The following CLASP2 variants were observed in gnomAD, a reference collection of about 807,000 sequenced individuals.
CLASP2 encodes cytoplasmic linker associated protein 2, also known as CLIP-associating protein 2.
In CLASP2, 47 loss-of-function variants were observed where a neutral mutation model predicts 194.4. The ratio of observed to expected loss-of-function variants is 0.24; its 90% confidence interval spans 0.19 to 0.31. The LOEUF (loss-of-function observed/expected upper bound fraction) is 0.31. Among genes scored for constraint, CLASP2 ranks in the 10% least tolerant of loss-of-function variants. CLASP2 has a pLI of 1.00. For synonymous variants in CLASP2, 619 were observed against 633.5 expected (o/e 0.98, Z 0.34); for missense variants, 1,445 against 1,823.6 (o/e 0.79, Z 3.78).
chr3:33,523,255 A>G (rs2053634420), intron 34 of CLASP2, among the ~76,000 whole-genome samples: 1 of 152,196 alleles, frequency 6.6e-6, no homozygotes, highest in African/African-American at 2.4e-5. Flanking sequence ...ACTATTTGAA[A>G]AAATTATGGC....
intron 7 of CLASP2, among the ~76,000 whole-genome samples, chr3:33,654,180 A>C (rs1231558742): frequency 6.6e-6 from 1 of 152,224 alleles, no homozygotes; most frequent in Non-Finnish European, 1.5e-5. Flanking sequence ...TCTAAGCCAG[A>C]AAGTACAGGG....
At chr3:33,626,709 T>G (rs1344395501) in intron 10 of CLASP2, among the ~76,000 whole-genome samples, 1 of 152,106 alleles carries the variant, frequency 6.6e-6, no homozygotes, top group Non-Finnish European at 1.5e-5. Context: ...GCTAAAGCCC[T>G]CTGAATCTCA....
intron 30 of CLASP2, among the ~76,000 whole-genome samples, chr3:33,545,369 G>A (rs1486472555): frequency 6.6e-6 from 1 of 152,136 alleles, no homozygotes; most frequent in Non-Finnish European, 1.5e-5. Context: ...AAATTATATA[G>A]AGACTTAATT....
intron 7 of CLASP2, among the ~76,000 whole-genome samples, chr3:33,658,639 T>C (rs1234879939): frequency 1.3e-5 from 2 of 152,172 alleles, no homozygotes; most frequent in African/African-American, 4.8e-5. Context: ...CTGTCATTCC[T>C]CCAAAGGCAA....
At chr3:33,553,047 T>C (rs957444419) in intron 29 of CLASP2, among the ~76,000 whole-genome samples, 10 of 152,208 alleles carry the variant, frequency 6.6e-5, no homozygotes, top group African/African-American at 2.4e-4. Context: ...AAATGTATGA[T>C]TGAAACTTGA....
chr3:33,515,296 T>C (rs2050990592), intron 36 of CLASP2, among the ~76,000 whole-genome samples: 2 of 152,176 alleles, frequency 1.3e-5, no homozygotes, highest in South Asian at 4.1e-4. Flanking sequence ...TCGATGTCAC[T>C]GGTGAAGAAG....
At chr3:33,550,112 G>C (rs1308037663) in intron 30 of CLASP2, among the ~76,000 whole-genome samples, 1 of 151,852 alleles carries the variant, frequency 6.6e-6, no homozygotes, top group Non-Finnish European at 1.5e-5. Flanking sequence ...AATATAAGAT[G>C]CAAGAAACAG....
rs202138270 is a variant in CLASP2, at chr3:33,676,400, A to G, written c.644+7959T>C. 4.5e-4 allele frequency among the ~76,000 whole-genome samples: 67 copies of G among 150,184 alleles called. 10 individuals are homozygous for G. In the East Asian group the frequency reaches 0.01, roughly 23 times the overall value. Reference sequence around the variant, plus strand: ...GCAGACGCCTCAGAAATAACGCCGCATATCTACAACTATCTGATCTTTGAC... The same window carrying G: ...GCAGACGCCTCAGAAATAACGCCGCGTATCTACAACTATCTGATCTTTGAC... On this transcript the variant is annotated intron_variant, in intron 6 of 38. Transcript: ENST00000682230.
intron 1 of CLASP2, among the ~76,000 whole-genome samples, chr3:33,715,894 C>T (rs186994456): frequency 8.2e-6 from 1 of 122,352 alleles, no homozygotes; most frequent in Admixed American, 8.4e-5. Flanking sequence ...AGTTGGGTAA[C>T]TTAGCTTATA....
At chr3:33,500,662 A>G (rs942473189) in intron 38 of CLASP2, among the ~76,000 whole-genome samples, 1 of 152,222 alleles carries the variant, frequency 6.6e-6, no homozygotes, top group Non-Finnish European at 1.5e-5. Flanking sequence ...AACCCGAGTT[A>G]AGAATTATTG....
intron 20 of CLASP2, among the ~76,000 whole-genome samples, chr3:33,593,181 C>G (rs141612926): frequency 6.6e-6 from 1 of 152,258 alleles, no homozygotes; most frequent in East Asian, 1.9e-4. Flanking sequence ...AAAACTAGGC[C>G]ACAAACATCC....
chr3:33,676,788 T>A (rs151160740), intron 6 of CLASP2, among the ~76,000 whole-genome samples: 2,002 of 152,180 alleles, frequency 0.013, 19 homozygotes, highest in Non-Finnish European at 0.018. Context: ...GGGAGAAAAT[T>A]TTCGCAACCT....
chr3:33,526,746 GA>G (rs1289528778), intron 34 of CLASP2, among the ~76,000 whole-genome samples: 1 of 152,002 alleles, frequency 6.6e-6, no homozygotes, highest in Non-Finnish European at 1.5e-5. Context: ...CAATCCTCAA[GA>G]AAAGTAAAAG....
At chr3:33,521,176 T>C (rs1372233021) in intron 34 of CLASP2, among the ~76,000 whole-genome samples, 1 of 152,174 alleles carries the variant, frequency 6.6e-6, no homozygotes, top group Non-Finnish European at 1.5e-5. Context: ...GTCCCTACTG[T>C]TACAAAAATG....
chr3:33,715,886 T>G, intron 1 of CLASP2, among the ~76,000 whole-genome samples: 1 of 143,578 alleles, frequency 7.0e-6, no homozygotes, highest in African/African-American at 2.6e-5. Flanking sequence ...GATTACCCAG[T>G]TGGGTAACTT....
Position 33,574,534 on chromosome 3 carries a change from T to C in CLASP2, c.2455-1180A>G, listed in dbSNP as rs746405785. ...AATTTTTAAAGAGAAAAATTGAAAA[T>C]AATGAAGAACATTTTGCTAATCAGC... On this transcript the variant is annotated intron_variant, in intron 24 of 38. Coordinates refer to ENST00000682230, the MANE Select transcript of CLASP2 (RefSeq NM_001365631.1). The C allele has an allele frequency of 3.8e-6, 5 of 1,326,402 alleles. No homozygotes were observed. In the African/African-American group the frequency reaches 4.4e-5, roughly 12 times the overall value. The allele number at this position is 1,326,402 out of a possible 1,614,324, so 82.2% of individuals were successfully genotyped here. A position where few individuals can be genotyped will look rare whatever the true frequency, so the allele number is the denominator to read the frequency against.
intron 33 of CLASP2, among the ~76,000 whole-genome samples, chr3:33,536,255 CA>C (rs71952127): frequency 2.1e-3 from 281 of 137,064 alleles, no homozygotes; most frequent in Non-Finnish European, 3.2e-3. Context: ...AGGGACAGAC[CA>C]AAAAAAAAAA....
intron 23 of CLASP2, among the ~76,000 whole-genome samples, chr3:33,576,886 C>T (rs1288170955): frequency 6.6e-6 from 1 of 151,488 alleles, no homozygotes; most frequent in Non-Finnish European, 1.5e-5. Context: ...AATTAAAACA[C>T]TTCATCCACC....
chr3:33,712,551 A>T (rs1314141235), intron 1 of CLASP2, among the ~76,000 whole-genome samples: 4 of 152,156 alleles, frequency 2.6e-5, no homozygotes. Flanking sequence ...GATATGATTA[A>T]TGGGTAAGCT....
Sources: gnomAD v4.1 joint callset for allele counts (sites outside exome capture counted in the v4.1 genomes callset) on GRCh38, gnomAD v4.1.1 for gene constraint, MANE v1.5 for transcripts, NCBI Gene and HGNC (gene_info 2026-07-23, HGNC 2026-07-21) for gene names.